Variants in LAMC3 observed in about 807,000 individuals in gnomAD.
The protein encoded by LAMC3 is laminin subunit gamma 3, also known as laminin subunit gamma-3.
Under a neutral mutation model 173.8 loss-of-function variants are expected in LAMC3, and 128 were observed. The observed-to-expected ratio is 0.74, with a 90% confidence interval of 0.64 to 0.85. The LOEUF is 0.85. LAMC3 is among the 40% of genes least tolerant of loss of function. The pLI is 0.00. For missense variants in LAMC3, 2,022 were observed against 2,156.0 expected (o/e 0.94, Z 1.23); for synonymous variants, 897 against 909.1 (o/e 0.99, Z 0.24).
At chr9:131,065,232 A>G (rs2133307731) in intron 13 of LAMC3, among the ~76,000 whole-genome samples, 2 of 152,196 alleles carry the variant, frequency 1.3e-5, no homozygotes, top group Middle Eastern at 6.8e-3. Flanking sequence ...ATGTTCTTTT[A>G]TGCTCCGTCT....
chr9:131,085,189 A>G (rs545641238), intron 24 of LAMC3, among the ~76,000 whole-genome samples: 9 of 152,322 alleles, frequency 5.9e-5, no homozygotes, highest in African/African-American at 2.2e-4. Flanking sequence ...TAGGCAGTAC[A>G]TGAAAATGCC....
rs921072350 is a variant in LAMC3 at position 131,085,699 on chromosome 9, G to A, written c.4206G>A (p.Glu1402=). Residue 1402 remains glutamate (E), a synonymous_variant, in exon 25 of 28, where the codon GAG becomes GAA. Coordinates refer to ENST00000361069, the MANE Select transcript of LAMC3 (RefSeq NM_006059.4). ...SSAKKKGREA[E]VLAKDSAKLA... Reference sequence around the variant, plus strand: ...CCAAGAAGAAGGGCAGAGAAGCAGAGGTGTTGGCCAAGGACAGTGCCAAGG... The same window carrying A: ...CCAAGAAGAAGGGCAGAGAAGCAGAAGTGTTGGCCAAGGACAGTGCCAAGG... 6.2e-7 allele frequency: 1 copy of A among 1,614,212 alleles called. No homozygotes were observed. Among genetic ancestry groups the A allele is most frequent in the Non-Finnish European group, 8.5e-7 (1 of 1,180,046 alleles).
At position 131,075,767 on chromosome 9, in the gene LAMC3, G is replaced by A; in HGVS notation, c.3495-64G>A. ...GGAGGCCTGTGTAGTAGGGGGCGTA[G>A]TTCTGATCCTGGGCCCCTTCCCTGC... On this transcript the variant is annotated intron_variant, in intron 20 of 27. Coordinates refer to ENST00000361069, the MANE Select transcript of LAMC3 (RefSeq NM_006059.4). 3.2e-6 allele frequency: 5 copies of A among 1,552,598 alleles called. No homozygotes were observed. The South Asian group carries it at 4.7e-5, about 14-fold the overall frequency.
intron 1 of LAMC3, among the ~76,000 whole-genome samples, chr9:131,022,717 A>G (rs2133220564): frequency 6.6e-6 from 1 of 152,050 alleles, no homozygotes; most frequent in African/African-American, 2.4e-5. Context: ...CACCACGCCC[A>G]GCTAATTTTT....
chr9:131,023,009 T>C (rs898898560), intron 1 of LAMC3, among the ~76,000 whole-genome samples: 4 of 152,190 alleles, frequency 2.6e-5, no homozygotes, highest in Non-Finnish European at 5.9e-5. Flanking sequence ...TTCTGGACAT[T>C]TACGTGGAAT....
intron 1 of LAMC3, among the ~76,000 whole-genome samples, chr9:131,018,161 G>A (rs1833559848): frequency 6.7e-6 from 1 of 149,582 alleles, no homozygotes; most frequent in African/African-American, 2.5e-5. Flanking sequence ...TCTTGAGTTG[G>A]AGTCTCACTC....
rs779059493 is a variant in LAMC3, at chr9:131,029,626, G to A, written c.679-2419G>A. On this transcript the variant is annotated intron_variant, in intron 2 of 27. Coordinates refer to ENST00000361069, the MANE Select transcript of LAMC3 (RefSeq NM_006059.4). The surrounding 1 kb of genome is among the most constrained non-coding windows in gnomAD (Gnocchi z 4.6). ...CTCATGCTCCCTCTGGACACATTTA[G>A]GGGGCAGGTGCTTTCTCAGAGGACA... Among the ~76,000 whole-genome samples, 1 of 152,216 alleles carries A rather than the reference G, an allele frequency of 6.6e-6. No homozygotes were observed. Among genetic ancestry groups the A allele is most frequent in the Non-Finnish European group, 1.5e-5 (1 of 68,034 alleles).
In LAMC3 at chr9:131,052,178, G is replaced by T. The variant is rs73658915; in HGVS notation, c.1631-313G>T. ...GACGGCAGCCTCTCTGGTCACACGT[G>T]TGTGTATCCCCTCCGTTCACCCTCG... On this transcript the variant is annotated intron_variant, in intron 9 of 27. Coordinates refer to ENST00000361069, the MANE Select transcript of LAMC3 (RefSeq NM_006059.4). 2.0e-5 allele frequency among the ~76,000 whole-genome samples: 3 copies of T among 152,306 alleles called. No individual in the cohort carries two copies. The East Asian group carries it at 5.8e-4, about 29-fold the overall frequency.
At chr9:131,056,098 A>G (rs556402170) in intron 11 of LAMC3, among the ~76,000 whole-genome samples, 43 of 152,234 alleles carry the variant, frequency 2.8e-4, no homozygotes, top group African/African-American at 9.9e-4. Flanking sequence ...TGAGCGGCTG[A>G]GGCAGGAGGA....
At chr9:131,023,056 C>T (rs1328841966) in intron 1 of LAMC3, among the ~76,000 whole-genome samples, 2 of 152,182 alleles carry the variant, frequency 1.3e-5, no homozygotes, top group African/African-American at 4.8e-5. Flanking sequence ...TTAGCTTCTG[C>T]CACTTAACGT....
At position 131,026,577 on chromosome 9, in the gene LAMC3, C is replaced by G. The variant is rs759171248; in HGVS notation, c.666C>G (p.Ser222Arg). The stretch of plus-strand genomic sequence containing the variant: ...CCAGCGCCTACAACTTCGAGGAGAG[C>G]CCTGGGCTGCAGGTCAGGGAGGAGC... ...GRPSAYNFEE[S>R]PGLQEWVTST... Residue 222 changes from serine (S) to arginine (R), a missense_variant, in exon 2 of 28, where the codon AGC (serine) becomes AGG (arginine). Coordinates refer to ENST00000361069, the MANE Select transcript of LAMC3 (RefSeq NM_006059.4). This position sits in a 1 kb window ranked among gnomAD's most constrained non-coding sequence, Gnocchi z 4.8. The G allele has an allele frequency of 1.4e-5, 23 of 1,595,842 alleles. No individual in the cohort carries two copies. The highest frequency in any genetic ancestry group is 3.5e-5 in the Admixed American group (2 of 56,950).
chr9:131,054,494 C>T (rs1463097824), intron 11 of LAMC3, among the ~76,000 whole-genome samples: 1 of 152,206 alleles, frequency 6.6e-6, no homozygotes, highest in Non-Finnish European at 1.5e-5. Context: ...TGGCTCACGC[C>T]TGTAATCCCA....
chr9:131,066,893 A>C (rs552474140), intron 13 of LAMC3, 67 bp from the exon 14 acceptor site: 1 of 1,589,476 alleles, frequency 6.3e-7, no homozygotes, highest in Admixed American at 1.7e-5. Flanking sequence ...GCTCTGCTTC[A>C]CACCCACCCT....
intron 8 of LAMC3, among the ~76,000 whole-genome samples, chr9:131,048,551 C>A (rs10901328): frequency 2.6e-5 from 4 of 152,020 alleles, no homozygotes; most frequent in African/African-American, 7.2e-5. Context: ...GGCTGTGCTC[C>A]GTGTTAACTG....
chr9:131,080,883 C>T (rs1588168834), intron 23 of LAMC3, among the ~76,000 whole-genome samples: 1 of 152,178 alleles, frequency 6.6e-6, no homozygotes, highest in East Asian at 1.9e-4. Flanking sequence ...GTACTAGTGG[C>T]TCCTCAAACT....
rs147092908 is a variant in LAMC3, at chr9:131,085,639, G to A, written c.4146G>A (p.Arg1382=). 1.2e-3 allele frequency: 1,996 copies of A among 1,614,190 alleles called. 10 individuals carry two copies. Among genetic ancestry groups the A allele is most frequent in the Non-Finnish European group, 1.1e-3 (1,327 of 1,180,046 alleles). Reference sequence around the variant, plus strand: ...GAAAGAAGACCAAGCAGGCGGAGAGGATGCTGGGAAACGCGGCCCCTCTTT... The same window carrying A: ...GAAAGAAGACCAAGCAGGCGGAGAGAATGCTGGGAAACGCGGCCCCTCTTT... ...DTRKKTKQAE[R]MLGNAAPLSS... Residue 1382 remains arginine (R), a synonymous_variant, in exon 25 of 28, where the codon AGG becomes AGA. Coordinates refer to ENST00000361069, the MANE Select transcript of LAMC3 (RefSeq NM_006059.4).
chr9:131,009,413 G>A lies in LAMC3; in HGVS notation c.199G>A (p.Ala67Thr). Residue 67 changes from alanine (A) to threonine (T), a missense_variant, in exon 1 of 28, where the codon GCC (alanine) becomes ACC (threonine). By Grantham distance (58) the Ala-to-Thr change is moderately conservative. Coordinates refer to ENST00000361069, the MANE Select transcript of LAMC3 (RefSeq NM_006059.4). This position sits in a 1 kb window ranked among gnomAD's most constrained non-coding sequence, Gnocchi z 4.3. ...PPEDFCPHVG[A>T]AGAGAHCQRC... ...CGAGGACTTCTGTCCCCACGTGGGC[G>A]CCGCGGGCGCGGGGGCTCATTGCCA... The A allele has an allele frequency of 6.5e-7, 1 of 1,540,636 alleles. No homozygotes were observed. The highest frequency in any genetic ancestry group is 1.4e-5 in the African/African-American group (1 of 72,786).
rs750415288 is a variant in LAMC3, at chr9:131,091,702, G to C, written c.4643G>C (p.Ser1548Thr). ...GAGCTGCAGATCCAGGGCTTCGAGA[G>C]TGACCTCGCCGAGATCCGCGCCGAC... ...QQELQIQGFESDLAEIRADKQ... is the reference protein window; with the variant it reads ...QQELQIQGFETDLAEIRADKQ... Residue 1548 changes from serine to threonine, a missense_variant, in exon 28 of 28, where the codon AGT (serine) becomes ACT (threonine). Coordinates refer to ENST00000361069, the MANE Select transcript of LAMC3 (RefSeq NM_006059.4). 2.5e-6 allele frequency: 4 copies of C among 1,611,844 alleles called. No individual in the cohort carries two copies. In the Admixed American group the frequency reaches 6.7e-5, roughly 27 times the overall value.
intron 14 of LAMC3, among the ~76,000 whole-genome samples, 187 bp downstream of exon 14, chr9:131,067,392 C>G (rs1485815174): frequency 6.6e-6 from 1 of 152,148 alleles, no homozygotes; most frequent in Non-Finnish European, 1.5e-5. Context: ...AGGGTTTGCC[C>G]CTCTCCCAGG....
Sources: gnomAD v4.1 joint callset for allele counts (sites outside exome capture counted in the v4.1 genomes callset) on GRCh38, gnomAD v4.1.1 for gene constraint, Gnocchi (gnomAD v3.1) non-coding constraint, MANE v1.5 for transcripts, NCBI Gene and HGNC (gene_info 2026-07-23, HGNC 2026-07-21) for gene names.